The following ZNF407 variants were observed in gnomAD, a reference collection of about 807,000 sequenced individuals.
ZNF407 encodes the protein zinc finger protein 407.
In ZNF407, 17 loss-of-function variants were observed where a neutral mutation model predicts 131.2. The observed-to-expected ratio is 0.13, with a 90% CI of 0.09 to 0.19. The LOEUF is 0.19. ZNF407 is among the 10% of genes least tolerant of loss of function. ZNF407 has a pLI of 1.00. For missense variants in ZNF407, 2,681 were observed against 2,830.6 expected (o/e 0.95, Z 1.20); for synonymous variants, 1,156 against 1,062.0 (o/e 1.09, Z -1.72).
intron 8 of ZNF407, among the ~76,000 whole-genome samples, chr18:74,994,373 A>C (rs1202280657): frequency 6.6e-6 from 1 of 152,260 alleles, no homozygotes; most frequent in African/African-American, 2.4e-5. Context: ...TCCGCTTAAA[A>C]AGTTACAAAA....
intron 3 of ZNF407, among the ~76,000 whole-genome samples, chr18:74,751,482 C>A (rs1179604019): frequency 1.3e-5 from 2 of 152,220 alleles, no homozygotes; most frequent in East Asian, 1.9e-4. Flanking sequence ...ATTAACTCGT[C>A]ATTTACATTA....
intron 3 of ZNF407, among the ~76,000 whole-genome samples, chr18:74,757,789 G>A (rs754517797): frequency 3.3e-5 from 5 of 151,868 alleles, no homozygotes; most frequent in African/African-American, 7.3e-5. Flanking sequence ...TCTATAATTT[G>A]TTGTTTTGTT....
chr18:75,011,240 T>C (rs7232882), intron 8 of ZNF407, among the ~76,000 whole-genome samples: 145,716 of 152,256 alleles, frequency 0.96, 70,056 homozygotes, highest in East Asian at 1. Flanking sequence ...CTCAGATACC[T>C]GCAAATCACT....
intron 8 of ZNF407, among the ~76,000 whole-genome samples, chr18:74,934,497 G>A (rs1972017162): frequency 6.6e-6 from 1 of 152,160 alleles, no homozygotes; most frequent in Non-Finnish European, 1.5e-5. Flanking sequence ...TTGCATCTTG[G>A]AGTAAGGTTT....
intron 6 of ZNF407, among the ~76,000 whole-genome samples, chr18:74,882,579 G>A (rs1971253379): frequency 6.6e-6 from 1 of 152,322 alleles, no homozygotes; most frequent in East Asian, 1.9e-4. Flanking sequence ...TTAGATGTAT[G>A]AATATGATTC....
At chr18:74,623,735 G>C (rs1983667273) in intron 1 of ZNF407, among the ~76,000 whole-genome samples, 2 of 152,048 alleles carry the variant, frequency 1.3e-5, no homozygotes, top group Non-Finnish European at 2.9e-5. Flanking sequence ...ATCATAGGCA[G>C]AGAACGATTT....
intron 1 of ZNF407, among the ~76,000 whole-genome samples, chr18:74,621,332 A>G (rs1983500915): frequency 6.6e-6 from 1 of 152,222 alleles, no homozygotes; most frequent in Admixed American, 6.5e-5. Context: ...AGCATTTATC[A>G]TCTCTCAGTG....
chr18:74,909,049 T>C (rs1241567548), intron 7 of ZNF407, among the ~76,000 whole-genome samples: 2 of 8,176 alleles, frequency 2.4e-4, no homozygotes, highest in Non-Finnish European at 0.022. Flanking sequence ...ACCAAAGTTT[T>C]ATATAAACGT....
At chr18:74,785,382 C>G (rs537300893) in intron 4 of ZNF407, among the ~76,000 whole-genome samples, 2 of 152,256 alleles carry the variant, frequency 1.3e-5, no homozygotes, top group South Asian at 4.1e-4. Context: ...GCTGGCCTCT[C>G]CCCTTTTATG....
At chr18:74,609,912 G>A (rs1337649987) in intron 1 of ZNF407, among the ~76,000 whole-genome samples, 3 of 152,096 alleles carry the variant, frequency 2.0e-5, no homozygotes, top group African/African-American at 4.8e-5. Context: ...AGCTGGGTAG[G>A]TATGTTTTAT....
At chr18:74,871,021 C>T (rs1342252175) in intron 4 of ZNF407, among the ~76,000 whole-genome samples, 1 of 152,178 alleles carries the variant, frequency 6.6e-6, no homozygotes, top group Non-Finnish European at 1.5e-5. Flanking sequence ...AAGTATCTCA[C>T]AATTATGATG....
At chr18:74,651,990 C>T (rs1985247863) in intron 3 of ZNF407, among the ~76,000 whole-genome samples, 1 of 152,010 alleles carries the variant, frequency 6.6e-6, no homozygotes, top group Non-Finnish European at 1.5e-5. Flanking sequence ...GTCACAGAGC[C>T]CTTAATCTCT....
chr18:74,931,469 TA>T (rs1971981694), intron 8 of ZNF407, among the ~76,000 whole-genome samples: 1 of 152,144 alleles, frequency 6.6e-6, no homozygotes, highest in South Asian at 2.1e-4. Context: ...TCAACACCAT[TA>T]CTGTTAGGAA....
At chr18:75,054,045 G>A (rs897393962) in intron 8 of ZNF407, among the ~76,000 whole-genome samples, 8 of 152,324 alleles carry the variant, frequency 5.3e-5, no homozygotes, top group South Asian at 4.1e-4. Context: ...GGGCCTTCCC[G>A]AGTTGCTATC....
chr18:74,669,133 A>G (rs1986042820), intron 3 of ZNF407, among the ~76,000 whole-genome samples: 1 of 151,924 alleles, frequency 6.6e-6, no homozygotes, highest in Admixed American at 6.6e-5. Flanking sequence ...CACAGTTCTC[A>G]CTGACCTCTA....
intron 4 of ZNF407, among the ~76,000 whole-genome samples, chr18:74,815,529 T>C (rs746540738): frequency 5.9e-5 from 9 of 152,240 alleles, no homozygotes; most frequent in Non-Finnish European, 1.3e-4. Flanking sequence ...TCCCTCTGTT[T>C]ATGTCATACA....
chr18:75,024,501 G>A (rs1019998794), intron 8 of ZNF407, among the ~76,000 whole-genome samples: 7 of 152,154 alleles, frequency 4.6e-5, no homozygotes, highest in African/African-American at 1.2e-4. Flanking sequence ...CCTATTAACC[G>A]TGTTCATTTT....
chr18:74,884,090 C>G (rs980607050), intron 6 of ZNF407, among the ~76,000 whole-genome samples: 2 of 152,218 alleles, frequency 1.3e-5, no homozygotes, highest in East Asian at 1.9e-4. Flanking sequence ...TGCACCAAAC[C>G]TGTTTGATCA....
At chr18:74,812,534 C>G (rs1970211628) in intron 4 of ZNF407, among the ~76,000 whole-genome samples, 1 of 152,132 alleles carries the variant, frequency 6.6e-6, no homozygotes, top group African/African-American at 2.4e-5. Context: ...GTTTTCAACA[C>G]ATTGATTATA....
Sources: allele counts gnomAD v4.1 joint callset (sites outside exome capture counted in the v4.1 genomes callset), GRCh38; gene constraint gnomAD v4.1.1; transcripts MANE v1.5; gene names NCBI Gene and HGNC (gene_info 2026-07-23, HGNC 2026-07-21).